The following TLE1 variants were observed in gnomAD, a reference collection of about 807,000 sequenced individuals.
TLE1 encodes the protein transducin-like enhancer protein 1.
In TLE1, 21 loss-of-function variants were observed where a neutral mutation model predicts 89.8. That is an observed-to-expected ratio of 0.23 (90% CI 0.17 to 0.34). The LOEUF is 0.34. TLE1 is among the 10% of genes least tolerant of loss of function. The pLI is 1.00. For missense variants in TLE1, 795 were observed against 1,031.2 expected, an observed-to-expected ratio of 0.77 and a Z score of 3.14; for synonymous variants, 447 against 407.6, an observed-to-expected ratio of 1.10 and a Z score of -1.16.
intron 4 of TLE1, among the ~76,000 whole-genome samples, chr9:81,655,388 G>GA (rs1830039716): frequency 6.6e-6 from 1 of 151,906 alleles, no homozygotes. Flanking sequence ...AAGAAGGCTG[G>GA]AAAAACCTTT....
chr9:81,669,211 T>A (rs573178719), intron 4 of TLE1, among the ~76,000 whole-genome samples: 2 of 152,186 alleles, frequency 1.3e-5, no homozygotes, highest in Non-Finnish European at 2.9e-5. Context: ...ACTGAATCAT[T>A]TGAGATGATC....
chr9:81,665,077 TGGAGA>T (rs1831294222), intron 4 of TLE1, among the ~76,000 whole-genome samples: 1 of 152,106 alleles, frequency 6.6e-6, no homozygotes, highest in Non-Finnish European at 1.5e-5. Flanking sequence ...AACAAGACAG[TGGAGA>T]GGAGAGGTCA....
At chr9:81,589,411 T>C (rs1264843901) in intron 16 of TLE1, among the ~76,000 whole-genome samples, 1 of 152,174 alleles carries the variant, frequency 6.6e-6, no homozygotes, top group Non-Finnish European at 1.5e-5. Flanking sequence ...AGACATTCAA[T>C]AGGCTTTACA....
chr9:81,667,890 G>A lies in TLE1; in HGVS notation c.235-13854C>T, dbSNP rs530053643. Among the ~76,000 whole-genome samples the A allele has an allele frequency of 8.5e-5, 13 of 152,306 alleles. No homozygotes were observed. In the East Asian group the frequency reaches 1.4e-3, roughly 16 times the overall value. On this transcript the variant is annotated intron_variant, in intron 4 of 19. Coordinates refer to ENST00000376499, the MANE Select transcript of TLE1 (RefSeq NM_005077.5). ...GCCAGAAGGATACTCAGACCCGGGC[G>A]TGATGGCTCACACCTGTAACCCCAG...
intron 6 of TLE1, among the ~76,000 whole-genome samples, chr9:81,636,727 A>C (rs775567072): frequency 6.6e-6 from 1 of 152,142 alleles, no homozygotes; most frequent in Non-Finnish European, 1.5e-5. Context: ...ATTTCCGGCC[A>C]GGCACAGTGG....
In TLE1 at chr9:81,616,118, C is replaced by T. The variant is rs977231491; in HGVS notation, c.782G>A (p.Arg261Gln). The change falls in exon 11 of 20, where the codon CGA (arginine) becomes CAA (glutamine). Residue 261 changes from arginine (R) to glutamine (Q), a missense_variant. Arg to Gln is a conservative substitution (Grantham distance 43). Transcript: ENST00000376499. ...CCGGGGCGAGTGGGCAGGGCTTGCT[C>T]GCGGAGAAGAAGGGTCCTCAACAAG... ...DVSNEDPSSP[R>Q]ASPAHSPREN... The T allele has an allele frequency of 5.0e-5, 80 of 1,612,392 alleles. No individual in the cohort carries two copies. Among genetic ancestry groups the T allele is most frequent in the Non-Finnish European group, 6.5e-5 (77 of 1,179,652 alleles).
At chr9:81,594,522 G>A (rs1179122130) in intron 14 of TLE1, among the ~76,000 whole-genome samples, 3 of 151,220 alleles carry the variant, frequency 2.0e-5, no homozygotes, top group African/African-American at 2.4e-5. Flanking sequence ...CAGCCTAGGC[G>A]ACAAGAGCAA....
chr9:81,597,125 G>A (rs571814629), intron 14 of TLE1, among the ~76,000 whole-genome samples: 9 of 152,170 alleles, frequency 5.9e-5, no homozygotes, highest in East Asian at 1.9e-4. Context: ...TGTCTGTTTC[G>A]TGATCCATAA....
intron 8 of TLE1, among the ~76,000 whole-genome samples, chr9:81,628,402 C>T (rs938353240): frequency 6.6e-6 from 1 of 152,192 alleles, no homozygotes; most frequent in Admixed American, 6.5e-5. Context: ...GCCATGGTTC[C>T]CATAGGCCTC....
intron 14 of TLE1, among the ~76,000 whole-genome samples, chr9:81,604,436 C>T (rs1472201267): frequency 6.6e-6 from 1 of 152,148 alleles, no homozygotes; most frequent in African/African-American, 2.4e-5. Flanking sequence ...GGTCTCCAAA[C>T]ACTGAAGAGC....
chr9:81,637,755 T>C (rs116599924), intron 6 of TLE1, among the ~76,000 whole-genome samples: 2 of 151,720 alleles, frequency 1.3e-5, no homozygotes, highest in African/African-American at 2.4e-5. Context: ...AATGTGGCCA[T>C]TCCACCTCAT....
chr9:81,632,965 G>A (rs1826865779), intron 8 of TLE1, among the ~76,000 whole-genome samples: 1 of 152,270 alleles, frequency 6.6e-6, no homozygotes, highest in South Asian at 2.1e-4. Flanking sequence ...ACTGATTTAA[G>A]ATATAAAAAT....
intron 18 of TLE1, among the ~76,000 whole-genome samples, chr9:81,585,180 A>G (rs749819697): frequency 1.3e-5 from 2 of 152,092 alleles, no homozygotes; most frequent in African/African-American, 2.4e-5. Context: ...AATGACTTCC[A>G]CTGCCCCTGC....
chr9:81,584,294 G>A lies in TLE1; in HGVS notation c.2217C>T (p.Ser739=). Residue 739 remains serine, a synonymous_variant, in exon 20 of 20, where the codon TCC becomes TCT. Transcript: ENST00000376499. ...YGASIFQSKE[S]SSVLSCDISV... Reference sequence around the variant, plus strand: ...AGATGTCACAGCTAAGCACTGACGAGGACTCTTTGGACTGGAAGAGAAAAC... The same window carrying A: ...AGATGTCACAGCTAAGCACTGACGAAGACTCTTTGGACTGGAAGAGAAAAC... 6.2e-7 allele frequency: 1 copy of A among 1,614,042 alleles called. No homozygotes were observed. The highest frequency in any genetic ancestry group is 1.3e-5 in the African/African-American group (1 of 75,012).
Position 81,587,714 on chromosome 9 carries a change from C to T in TLE1, c.1944G>A (p.Gly648=), listed in dbSNP as rs1439307019. The part of the protein sequence containing the change: ...NTVRSWDLRE[G]RQLQQHDFTS... ...TGAAGTCGTGCTGCTGCAGCTGCCG[C>T]CCCTCGCGCAGGTCCCAGGACCTGA... Residue 648 remains glycine (G), a synonymous_variant, in exon 17 of 20, where the codon GGG becomes GGA. Transcript: ENST00000376499. 10 of 1,613,790 alleles carry T rather than the reference C, an allele frequency of 6.2e-6. No homozygotes were observed. The highest frequency in any genetic ancestry group is 7.6e-6 in the Non-Finnish European group (9 of 1,179,844).
chr9:81,662,000 C>A (rs879912418), intron 4 of TLE1, among the ~76,000 whole-genome samples: 1 of 152,072 alleles, frequency 6.6e-6, no homozygotes, highest in Admixed American at 6.6e-5. Flanking sequence ...TTATTCAAAC[C>A]CGTTGGTAAG....
At chr9:81,674,277 T>G (rs1832611570) in intron 4 of TLE1, among the ~76,000 whole-genome samples, 2 of 152,230 alleles carry the variant, frequency 1.3e-5, no homozygotes, top group Non-Finnish European at 2.9e-5. Context: ...TTTTCTATTG[T>G]GTCTGTGCGT....
chr9:81,650,726 T>C (rs886082289), intron 6 of TLE1, among the ~76,000 whole-genome samples: 6 of 151,894 alleles, frequency 4.0e-5, no homozygotes, highest in African/African-American at 1.5e-4. Context: ...GGGAAGGCAG[T>C]GCCTGGATCT....
At chr9:81,639,100 T>C (rs1274479850) in intron 6 of TLE1, among the ~76,000 whole-genome samples, 1 of 151,186 alleles carries the variant, frequency 6.6e-6, no homozygotes, top group Non-Finnish European at 1.5e-5. Flanking sequence ...TTGGCTAATT[T>C]TTTTTTATAG....
Sources: gnomAD v4.1 joint callset for allele counts (sites outside exome capture counted in the v4.1 genomes callset) on GRCh38, gnomAD v4.1.1 for gene constraint, MANE v1.5 for transcripts, NCBI Gene and HGNC (gene_info 2026-07-23, HGNC 2026-07-21) for gene names.